XYLT1: variants seen among roughly 807,000 people sequenced by gnomAD.
XYLT1 encodes the protein xylosyltransferase 1, also known as beta-D-xylosyltransferase 1.
A neutral mutation model predicts 91.3 loss-of-function variants in XYLT1; 36 were observed. The observed-to-expected ratio is 0.39, with a 90% CI of 0.30 to 0.52. The LOEUF is 0.52. Among genes scored for constraint, XYLT1 ranks in the 20% least tolerant of loss-of-function variants. The probability of loss-of-function intolerance (pLI) is 0.68; values close to 1 mark genes in which losing one functional copy is unlikely to be tolerated. For synonymous variants in XYLT1, 588 were observed against 532.0 expected (o/e 1.11, Z -1.45); for missense variants, 1,242 against 1,284.5 (o/e 0.97, Z 0.51).
intron 1 of XYLT1, among the ~76,000 whole-genome samples, chr16:17,389,143 G>A (rs1412166853): frequency 3.3e-5 from 5 of 152,244 alleles, no homozygotes; most frequent in South Asian, 4.1e-4. Flanking sequence ...TTTTGCAGGA[G>A]CACAGGGCTC....
At chr16:17,199,340 AT>A (rs1283771569) in intron 4 of XYLT1, among the ~76,000 whole-genome samples, 1 of 152,148 alleles carries the variant, frequency 6.6e-6, no homozygotes, top group Non-Finnish European at 1.5e-5. Context: ...ATAAAGTTTT[AT>A]TGGTACACAG....
chr16:17,439,674 T>C (rs1229934880), intron 1 of XYLT1, among the ~76,000 whole-genome samples: 1 of 152,226 alleles, frequency 6.6e-6, no homozygotes, highest in East Asian at 1.9e-4. Context: ...GTTCTGAATG[T>C]CTGCTTTCCA....
rs558335955 is a variant in XYLT1, at chr16:17,228,114, G to C, written c.914-27460C>G. 9 of 152,318 alleles carry C rather than the reference G, an allele frequency of 5.9e-5. No individual in the cohort carries two copies. The East Asian group carries it at 1.7e-3, about 29-fold the overall frequency. 9.4% of individuals were successfully genotyped at this position (152,318 alleles called of 1,614,324 possible). ...TGATGAGGAATAGAGTCATTGCTTA[G>C]ATATGGCGGCTGTCTTCACTGGCCA... On this transcript the variant is annotated intron_variant, in intron 3 of 11. Coordinates refer to ENST00000261381, the MANE Select transcript of XYLT1 (RefSeq NM_022166.4).
At chr16:17,319,231 A>G (rs1206959178) in intron 2 of XYLT1, among the ~76,000 whole-genome samples, 1 of 152,238 alleles carries the variant, frequency 6.6e-6, no homozygotes, top group South Asian at 2.1e-4. Flanking sequence ...AATACATGAA[A>G]AAAAATCTAT....
chr16:17,403,907 G>A (rs552217867), intron 1 of XYLT1, among the ~76,000 whole-genome samples: 74 of 152,326 alleles, frequency 4.9e-4, no homozygotes, highest in Non-Finnish European at 7.1e-4. Flanking sequence ...AGCTTGAAAC[G>A]CTGGACTTGC....
intron 2 of XYLT1, among the ~76,000 whole-genome samples, chr16:17,306,795 G>C (rs2034477815): frequency 6.6e-6 from 1 of 152,096 alleles, no homozygotes; most frequent in African/African-American, 2.4e-5. Flanking sequence ...TGGGAATTTT[G>C]AGTTTCCTAG....
At chr16:17,109,733 G>C (rs1567275478) in intron 11 of XYLT1, among the ~76,000 whole-genome samples, 1 of 152,188 alleles carries the variant, frequency 6.6e-6, no homozygotes, top group Admixed American at 6.5e-5. Context: ...TACCCAACAA[G>C]CTGAAAATAT....
intron 5 of XYLT1, among the ~76,000 whole-genome samples, chr16:17,196,435 C>A (rs780098830): frequency 7.9e-5 from 12 of 152,166 alleles, no homozygotes; most frequent in Non-Finnish European, 1.6e-4. Flanking sequence ...AGATACAATT[C>A]TGTGATATCT....
intron 1 of XYLT1, among the ~76,000 whole-genome samples, chr16:17,434,536 C>T (rs975911345): frequency 6.6e-6 from 1 of 152,168 alleles, no homozygotes; most frequent in Non-Finnish European, 1.5e-5. Flanking sequence ...TAAGCCAGTT[C>T]TCTGTAACCC....
At position 17,117,929 on chromosome 16, in the gene XYLT1, AC is replaced by A; in HGVS notation, c.2273del (p.Gly758ValfsTer21). 1 of 1,613,510 alleles carries A rather than the reference AC, an allele frequency of 6.2e-7. No individual in the cohort carries two copies. Among genetic ancestry groups the A allele is most frequent in the Non-Finnish European group, 8.5e-7 (1 of 1,179,726 alleles). On this transcript the variant is annotated frameshift_variant, in exon 11 of 12. Coordinates refer to ENST00000261381, the MANE Select transcript of XYLT1 (RefSeq NM_022166.4). LOFTEE classifies it high-confidence loss of function. The part of the protein sequence containing the change: ...AKERLFRNFG[G>X]LLGPMDEPVG... ...CCGGCTCATCCATGGGCCCCAGAAG[AC>A]CCCCAAAGTTGCGGAATAGCCTCTC...
chr16:17,162,006 A>G (rs1230442381), intron 5 of XYLT1, among the ~76,000 whole-genome samples: 6 of 152,200 alleles, frequency 3.9e-5, no homozygotes, highest in Non-Finnish European at 1.5e-5. Context: ...GAGTAATACA[A>G]TAATCTCCCA....
intron 2 of XYLT1, among the ~76,000 whole-genome samples, chr16:17,291,508 G>C (rs753178680): frequency 3.9e-5 from 6 of 152,096 alleles, no homozygotes; most frequent in Admixed American, 6.6e-5. Flanking sequence ...ACCAATAGAG[G>C]GGTTTGGATT....
chr16:17,301,094 G>A (rs1047631443), intron 2 of XYLT1, among the ~76,000 whole-genome samples: 1 of 151,994 alleles, frequency 6.6e-6, no homozygotes, highest in African/African-American at 2.4e-5. Flanking sequence ...GCAAAATTTG[G>A]GGGAGTATAT....
chr16:17,260,905 C>G (rs1596454244), intron 2 of XYLT1, among the ~76,000 whole-genome samples: 1 of 152,160 alleles, frequency 6.6e-6, no homozygotes, highest in East Asian at 1.9e-4. Context: ...CTGTCCTCAC[C>G]ATCCATATAC....
intron 1 of XYLT1, among the ~76,000 whole-genome samples, chr16:17,453,809 T>A (rs1179475240): frequency 6.6e-6 from 1 of 152,176 alleles, no homozygotes; most frequent in Non-Finnish European, 1.5e-5. Flanking sequence ...AACACCTAAT[T>A]CTGCCAAACC....
chr16:17,176,855 T>C (rs2031955767), intron 5 of XYLT1, among the ~76,000 whole-genome samples: 1 of 151,996 alleles, frequency 6.6e-6, no homozygotes, highest in Admixed American at 6.6e-5. Flanking sequence ...TTTTTAACTT[T>C]CTTTTTCCCA....
chr16:17,408,746 T>A (rs2036064959), intron 1 of XYLT1, among the ~76,000 whole-genome samples: 1 of 152,186 alleles, frequency 6.6e-6, no homozygotes, highest in Non-Finnish European at 1.5e-5. Flanking sequence ...CTCAGGAGGC[T>A]GAGGCAGGAG....
chr16:17,227,108 G>T (rs1302188229), intron 3 of XYLT1: 1 of 152,250 alleles, frequency 6.6e-6, no homozygotes, highest in Non-Finnish European at 1.5e-5. Context: ...GGTACCAGGG[G>T]TGTGAAGACG....
At chr16:17,428,177 GT>G (rs1346351901) in intron 1 of XYLT1, among the ~76,000 whole-genome samples, 1 of 152,038 alleles carries the variant, frequency 6.6e-6, no homozygotes, top group Non-Finnish European at 1.5e-5. Context: ...AGAGCCAGAG[GT>G]TCGCCATGTT....
Sources: gnomAD v4.1 joint callset for allele counts (sites outside exome capture counted in the v4.1 genomes callset) on GRCh38, gnomAD v4.1.1 for gene constraint, MANE v1.5 for transcripts, NCBI Gene and HGNC (gene_info 2026-07-23, HGNC 2026-07-21) for gene names.